TULP4: variants seen among roughly 807,000 people sequenced by gnomAD.
The protein encoded by TULP4 is tubby-related protein 4.
In TULP4, 16 loss-of-function variants were observed where a neutral mutation model predicts 129.0. The observed-to-expected ratio is 0.12, with a 90% CI of 0.08 to 0.19. The LOEUF (loss-of-function observed/expected upper bound fraction) is 0.19. TULP4 is among the 10% of genes least tolerant of loss of function. The probability of loss-of-function intolerance (pLI) is 1.00; values close to 1 mark genes in which losing one functional copy is unlikely to be tolerated. For missense variants in TULP4, 1,842 were observed against 2,059.1 expected, an observed-to-expected ratio of 0.89 and a Z score of 2.04; for synonymous variants, 998 against 854.0, an observed-to-expected ratio of 1.17 and a Z score of -2.94.
chr6:158,500,849 G>C (rs1226798260), intron 12 of TULP4, among the ~76,000 whole-genome samples: 1 of 152,232 alleles, frequency 6.6e-6, no homozygotes, highest in Admixed American at 6.5e-5. Flanking sequence ...TGGATCACCT[G>C]AGGTCAGGAG....
At chr6:158,321,860 ACTTTT>A (rs1349833542) in intron 1 of TULP4, among the ~76,000 whole-genome samples, 4 of 152,238 alleles carry the variant, frequency 2.6e-5, no homozygotes, top group Non-Finnish European at 5.9e-5. Flanking sequence ...CTTCTAAAGT[ACTTTT>A]CTTTTTCCTA....
chr6:158,337,128 CTT>C (rs34480077), intron 1 of TULP4, among the ~76,000 whole-genome samples: 1,964 of 73,656 alleles, frequency 0.027, 3 homozygotes, highest in Non-Finnish European at 0.036. Flanking sequence ...CTTTCTTTCT[CTT>C]TTTTTTTTTT....
intron 1 of TULP4, among the ~76,000 whole-genome samples, chr6:158,355,839 C>T (rs1468803523): frequency 6.6e-6 from 1 of 152,116 alleles, no homozygotes; most frequent in African/African-American, 2.4e-5. Context: ...TTTATACATG[C>T]AACAACATGG....
upstream of TULP4, among the ~76,000 whole-genome samples, chr6:158,308,866 CG>C (rs1043701531): frequency 7.3e-6 from 1 of 137,436 alleles, no homozygotes; most frequent in Non-Finnish European, 1.6e-5. Flanking sequence ...CCGGACGGGG[CG>C]GCTGGCCGGG....
rs3085241 is a variant in TULP4, at chr6:158,368,066, CAAAAAAAAA to C, written c.253-44985_253-44977del. 5.2e-4 allele frequency among the ~76,000 whole-genome samples: 34 copies of C among 65,010 alleles called. 1 individual carries two copies. Among genetic ancestry groups the C allele is most frequent in the Admixed American group, 1.4e-3 (7 of 5,030 alleles). The allele number at this position is 65,010 out of a possible 152,430, so 42.6% of individuals were successfully genotyped here. On this transcript the variant is annotated intron_variant, in intron 1 of 13. Transcript: ENST00000367097. ...ACTCCAGCCTGGGTGACCCTGTCTC[CAAAAAAAAA>C]AAAAAAAAAAAAAGGAGCTTCCTGA... is the stretch of plus-strand genomic sequence containing the variant.
intron 3 of TULP4, among the ~76,000 whole-genome samples, chr6:158,431,916 A>T (rs1227054200): frequency 6.6e-6 from 1 of 151,964 alleles, no homozygotes; most frequent in African/African-American, 2.4e-5. Flanking sequence ...CTCTGTCCTG[A>T]TGACTGCTTT....
intron 1 of TULP4, among the ~76,000 whole-genome samples, chr6:158,389,391 G>A (rs1251059024): frequency 6.6e-6 from 1 of 152,188 alleles, no homozygotes; most frequent in Non-Finnish European, 1.5e-5. Context: ...GGTGGATGTT[G>A]CAGTGAGCCG....
At position 158,502,645 on chromosome 6, in the gene TULP4, T is replaced by C. The variant is rs765807329; in HGVS notation, c.2982T>C (p.Ala994=). Residue 994 remains alanine, a synonymous_variant, in exon 13 of 14, where the codon GCT becomes GCC. Transcript: ENST00000367097. ...HATLRRNNRE[A]TLKMAQLADS... ...CCCTGCGGAGGAACAACCGTGAGGC[T>C]ACGCTCAAGATGGCCCAGCTGGCCG... The C allele has an allele frequency of 1.1e-5, 18 of 1,581,932 alleles. No homozygotes were observed. The African/African-American group carries it at 2.4e-4, about 21-fold the overall frequency.
chr6:158,272,321 A>G (rs369415054), intron 1 of TULP4, among the ~76,000 whole-genome samples: 32 of 152,296 alleles, frequency 2.1e-4, no homozygotes, highest in African/African-American at 5.3e-4. Context: ...CCCAATGGCT[A>G]TGATCTTATT....
chr6:158,367,136 C>T (rs1292860542), intron 1 of TULP4, among the ~76,000 whole-genome samples: 1 of 152,328 alleles, frequency 6.6e-6, no homozygotes, highest in African/African-American at 2.4e-5. Flanking sequence ...GCCACTGTCA[C>T]CTCTTTTCTT....
At chr6:158,486,152 C>G (rs899024327) in intron 8 of TULP4, among the ~76,000 whole-genome samples, 3 of 152,074 alleles carry the variant, frequency 2.0e-5, no homozygotes, top group Non-Finnish European at 4.4e-5. Flanking sequence ...CACGTCACCC[C>G]CAAAATTCAT....
intron 1 of TULP4, among the ~76,000 whole-genome samples, chr6:158,299,107 G>A (rs1025365787): frequency 1.6e-4 from 25 of 152,056 alleles, no homozygotes; most frequent in African/African-American, 2.2e-4. Flanking sequence ...TTCTGGGCTC[G>A]GAATGGGGAG....
intron 1 of TULP4, among the ~76,000 whole-genome samples, chr6:158,385,378 G>T (rs557673650): frequency 1.3e-5 from 2 of 152,292 alleles, no homozygotes; most frequent in African/African-American, 4.8e-5. Context: ...TACCATAGAT[G>T]ATAGTCCACA....
chr6:158,343,649 T>G (rs1159001908), intron 1 of TULP4, among the ~76,000 whole-genome samples: 1 of 152,102 alleles, frequency 6.6e-6, no homozygotes, highest in Non-Finnish European at 1.5e-5. Context: ...CCCCCTGATC[T>G]CAGACTTCCA....
intron 1 of TULP4, among the ~76,000 whole-genome samples, chr6:158,390,655 G>A (rs941569764): frequency 6.6e-6 from 1 of 152,150 alleles, no homozygotes; most frequent in East Asian, 1.9e-4. Context: ...TGCTAAGATC[G>A]AACGAAGCCT....
chr6:158,376,763 A>T (rs1227786197), intron 1 of TULP4, among the ~76,000 whole-genome samples: 1 of 152,182 alleles, frequency 6.6e-6, no homozygotes, highest in Non-Finnish European at 1.5e-5. Flanking sequence ...AGCCCTGGGA[A>T]AACTTTTCCA....
intron 8 of TULP4, among the ~76,000 whole-genome samples, chr6:158,489,264 G>A (rs540045707): frequency 2.0e-5 from 3 of 152,214 alleles, no homozygotes; most frequent in Non-Finnish European, 2.9e-5. Flanking sequence ...CTGAAAGTCC[G>A]CATGAACCCA....
chr6:158,271,627 A>G (rs1350973878), intron 1 of TULP4, among the ~76,000 whole-genome samples: 1 of 151,696 alleles, frequency 6.6e-6, no homozygotes, highest in East Asian at 1.9e-4. Context: ...ATGGGGTCTC[A>G]CTCTGTTCCC....
chr6:158,295,830 G>T (rs1401769543), intron 1 of TULP4, among the ~76,000 whole-genome samples: 2 of 152,186 alleles, frequency 1.3e-5, no homozygotes, highest in Non-Finnish European at 2.9e-5. Context: ...GGCAGAGCTT[G>T]CAGTGAACCA....
Sources: allele counts gnomAD v4.1 joint callset (sites outside exome capture counted in the v4.1 genomes callset), GRCh38; gene constraint gnomAD v4.1.1; transcripts MANE v1.5; gene names NCBI Gene and HGNC (gene_info 2026-07-23, HGNC 2026-07-21).